FRMD4B: variants seen among roughly 807,000 people sequenced by gnomAD.
FRMD4B encodes FERM domain-containing protein 4B.
Under a neutral mutation model 141.5 loss-of-function variants are expected in FRMD4B, and 74 were observed. That is an observed-to-expected ratio of 0.52 (90% confidence interval 0.43 to 0.63). The LOEUF is 0.63. Among genes scored for constraint, FRMD4B ranks in the 30% least tolerant of loss-of-function variants. FRMD4B has a pLI of 0.00. For missense variants in FRMD4B, 1,366 were observed against 1,253.4 expected (o/e 1.09, Z -1.36); for synonymous variants, 506 against 467.9 (o/e 1.08, Z -1.05).
intron 1 of FRMD4B, among the ~76,000 whole-genome samples, chr3:69,507,390 T>C (rs1706614472): frequency 6.6e-6 from 1 of 151,702 alleles, no homozygotes; most frequent in East Asian, 1.9e-4. Context: ...TGTAAGTTTG[T>C]GTGTGTGTGT....
chr3:69,528,438 T>C (rs915062186), intron 1 of FRMD4B, among the ~76,000 whole-genome samples: 1 of 151,962 alleles, frequency 6.6e-6, no homozygotes, highest in Admixed American at 6.6e-5. Flanking sequence ...AATCCTGGCT[T>C]ACTGCAGCCT....
chr3:69,496,985 G>A (rs546928211), intron 1 of FRMD4B, among the ~76,000 whole-genome samples: 7 of 151,754 alleles, frequency 4.6e-5, no homozygotes, highest in Non-Finnish European at 8.8e-5. Context: ...CATTGCCTAC[G>A]CCGAGGAAGG....
chr3:69,424,620 G>T (rs1344209129), intron 2 of FRMD4B, among the ~76,000 whole-genome samples: 1 of 152,146 alleles, frequency 6.6e-6, no homozygotes, highest in African/African-American at 2.4e-5. Flanking sequence ...ATCCTTCACT[G>T]ATAGTCGGAA....
At chr3:69,286,812 T>C (rs999423462) in intron 5 of FRMD4B, among the ~76,000 whole-genome samples, 1 of 152,214 alleles carries the variant, frequency 6.6e-6, no homozygotes, top group Non-Finnish European at 1.5e-5. Context: ...TTTTGTTTTA[T>C]TCTTGTTTTT....
Position 69,455,656 on chromosome 3 carries a change from T to TCAGTGAGAC in FRMD4B, c.-128-22904_-128-22896dup. 1.3e-5 allele frequency among the ~76,000 whole-genome samples: 2 copies of TCAGTGAGAC among 151,808 alleles called. 1 individual carries two copies. The highest frequency in any genetic ancestry group is 4.2e-4 in the South Asian group (2 of 4,764). Reference sequence around the variant, plus strand: ...AGGGTCCGTGGCTTCATTCTTGAAGTCAGTGAGACCAAAAACCCACCAATT... The same window carrying TCAGTGAGAC: ...AGGGTCCGTGGCTTCATTCTTGAAGTCAGTGAGACCAGTGAGACCAAAAACCCACCAATT... On this transcript the variant is annotated intron_variant, in intron 1 of 5. Coordinates refer to the FRMD4B transcript ENST00000459638.
At chr3:69,260,953 CGGACCAATCAGCTCTCTGTAAAAT>C (rs1559759543) in intron 5 of FRMD4B, among the ~76,000 whole-genome samples, 1 of 152,194 alleles carries the variant, frequency 6.6e-6, no homozygotes, top group Non-Finnish European at 1.5e-5. Context: ...CCTGTCAAAA[CGGACCAATCAGCTCTCTGTAAAAT>C]GGACCAATTA....
chr3:69,501,802 C>T (rs887079851), intron 1 of FRMD4B, among the ~76,000 whole-genome samples: 4 of 152,178 alleles, frequency 2.6e-5, no homozygotes, highest in South Asian at 2.1e-4. Context: ...AGCCCAAAAT[C>T]GCCTTAAGCT....
intron 1 of FRMD4B, among the ~76,000 whole-genome samples, chr3:69,451,886 G>A (rs1378903937): frequency 2.6e-5 from 4 of 152,346 alleles, no homozygotes; most frequent in Non-Finnish European, 5.9e-5. Flanking sequence ...GGCTGGTGGT[G>A]TCATGTTGGT....
intron 1 of FRMD4B, among the ~76,000 whole-genome samples, chr3:69,486,876 T>A (rs9853354): frequency 0.025 from 3,731 of 152,254 alleles, 168 homozygotes; most frequent in African/African-American, 0.085. Context: ...TGTGAAGATA[T>A]GCAACTCTCC....
chr3:69,332,204 C>T (rs1243116215), intron 1 of FRMD4B, among the ~76,000 whole-genome samples: 1 of 152,160 alleles, frequency 6.6e-6, no homozygotes, highest in Admixed American at 6.5e-5. Context: ...CCACTCTGTC[C>T]CTGGACCTTG....
intron 18 of FRMD4B, among the ~76,000 whole-genome samples, chr3:69,189,135 T>C (rs1245985188): frequency 1.3e-5 from 2 of 149,578 alleles, no homozygotes; most frequent in East Asian, 4.0e-4. Flanking sequence ...GGCAGGAGAA[T>C]TGCTTGAACC....
intron 10 of FRMD4B, 38 bp downstream of exon 10, chr3:69,218,284 C>G (rs368270853): frequency 9.7e-6 from 10 of 1,029,438 alleles, no homozygotes; most frequent in Non-Finnish European, 1.5e-5. Context: ...CAATAACTCT[C>G]AATCATCACG....
chr3:69,193,862 C>T lies in FRMD4B; in HGVS notation c.1500G>A (p.Leu500=). ...NLLPSEEDPA[L]QELESNFLIQ... ...TTAGAAAATTACTCTCCAGTTCTTGCAAAGCAGGATCCTGCATTTATACAA... is the reference window on the plus strand; with the variant it reads ...TTAGAAAATTACTCTCCAGTTCTTGTAAAGCAGGATCCTGCATTTATACAA... Residue 500 remains leucine (L), a synonymous_variant, in exon 17 of 23, where the codon TTG becomes TTA. Coordinates refer to ENST00000398540, the MANE Select transcript of FRMD4B (RefSeq NM_015123.3). The T allele has an allele frequency of 6.2e-7, 1 of 1,604,120 alleles. No homozygotes were observed. Among genetic ancestry groups the T allele is most frequent in the East Asian group, 2.2e-5 (1 of 44,828 alleles).
At chr3:69,275,971 G>A (rs4855373) in intron 5 of FRMD4B, among the ~76,000 whole-genome samples, 138,664 of 152,142 alleles carry the variant, frequency 0.91, 63,682 homozygotes, top group Non-Finnish European at 0.97. Context: ...AATAAAGTTA[G>A]AAACAATAAT....
At chr3:69,355,319 C>T (rs1703281143) in intron 1 of FRMD4B, among the ~76,000 whole-genome samples, 2 of 152,148 alleles carry the variant, frequency 1.3e-5, no homozygotes, top group African/African-American at 4.8e-5. Context: ...TCTAATATTT[C>T]ATATACATTT....
At chr3:69,357,873 C>T (rs1306451486) in intron 1 of FRMD4B, among the ~76,000 whole-genome samples, 1 of 152,166 alleles carries the variant, frequency 6.6e-6, no homozygotes, top group African/African-American at 2.4e-5. Context: ...TTCCTCATAA[C>T]TTCTCATCCT....
At chr3:69,412,044 A>C (rs576428792) in intron 2 of FRMD4B, among the ~76,000 whole-genome samples, 1 of 152,360 alleles carries the variant, frequency 6.6e-6, no homozygotes, top group African/African-American at 2.4e-5. Context: ...CTATGTGCCA[A>C]GCACTACTTT....
intron 7 of FRMD4B, among the ~76,000 whole-genome samples, chr3:69,231,549 A>C (rs552037417): frequency 1.3e-5 from 2 of 152,258 alleles, no homozygotes; most frequent in African/African-American, 4.8e-5. Flanking sequence ...CCACCTCCCA[A>C]AGTGCTGGGA....
At chr3:69,399,856 G>A (rs1006878063) in intron 2 of FRMD4B, among the ~76,000 whole-genome samples, 11 of 152,090 alleles carry the variant, frequency 7.2e-5, no homozygotes, top group Admixed American at 2.0e-4. Context: ...AAGCTCCATG[G>A]GTGCAGGGAC....
Sources: allele counts gnomAD v4.1 joint callset (sites outside exome capture counted in the v4.1 genomes callset), GRCh38; gene constraint gnomAD v4.1.1; transcripts MANE v1.5; gene names NCBI Gene and HGNC (gene_info 2026-07-23, HGNC 2026-07-21).